N4BP2L2: variants seen among roughly 807,000 people sequenced by gnomAD.
N4BP2L2 encodes the protein NEDD4 binding protein 2 like 2.
A neutral mutation model predicts 56.2 loss-of-function variants in N4BP2L2; 50 were observed. That is an observed-to-expected ratio of 0.89 (90% CI 0.71 to 1.13). The LOEUF is 1.13. Ranked by LOEUF, N4BP2L2 falls within the 50% of genes most tolerant of loss-of-function variation. The pLI is 0.00. For missense variants in N4BP2L2, 689 were observed against 693.8 expected, an observed-to-expected ratio of 0.99 and a Z score of 0.08; for synonymous variants, 203 against 223.6, an observed-to-expected ratio of 0.91 and a Z score of 0.82.
chr13:32,465,009 G>A (rs925074983), intron 6 of N4BP2L2, among the ~76,000 whole-genome samples: 3 of 151,398 alleles, frequency 2.0e-5, no homozygotes, highest in East Asian at 1.9e-4. Context: ...TTTTTTCACC[G>A]AGGATGGAGT....
At chr13:32,447,801 C>T (rs1032662590) in intron 6 of N4BP2L2, among the ~76,000 whole-genome samples, 18 of 151,436 alleles carry the variant, frequency 1.2e-4, no homozygotes, top group African/African-American at 4.4e-4. Context: ...GTCTTTTTTT[C>T]GTTGTTTTTT....
chr13:32,536,838 C>T (rs762407043), exon 2 of N4BP2L2: 2 of 1,613,968 alleles, frequency 1.2e-6, no homozygotes, highest in Admixed American at 1.7e-5. Flanking sequence ...TAACTATGTC[C>T]TCTGACATCA....
intron 6 of N4BP2L2, among the ~76,000 whole-genome samples, chr13:32,460,456 T>C (rs2079836289): frequency 6.6e-6 from 1 of 152,150 alleles, no homozygotes. Flanking sequence ...TTCAGTAAAG[T>C]TGCAAGACAT....
chr13:32,462,335 A>G (rs1955937376), intron 6 of N4BP2L2, among the ~76,000 whole-genome samples: 1 of 152,188 alleles, frequency 6.6e-6, no homozygotes, highest in Non-Finnish European at 1.5e-5. Context: ...TGAAATAATC[A>G]GGCACAGAAA....
At chr13:32,459,955 A>G (rs1363896906) in intron 6 of N4BP2L2, among the ~76,000 whole-genome samples, 1 of 152,220 alleles carries the variant, frequency 6.6e-6, no homozygotes. Flanking sequence ...AGGATAATAC[A>G]CTATAAGCAA....
At chr13:32,499,056 C>T (rs1448731149) in intron 6 of N4BP2L2, among the ~76,000 whole-genome samples, 1 of 151,396 alleles carries the variant, frequency 6.6e-6, no homozygotes, top group Non-Finnish European at 1.5e-5. Context: ...AAATACATTA[C>T]CGTTTCTTGC....
chr13:32,452,249 C>T (rs896879508), intron 6 of N4BP2L2, among the ~76,000 whole-genome samples: 5 of 152,102 alleles, frequency 3.3e-5, no homozygotes, highest in South Asian at 4.2e-4. Flanking sequence ...TCAGTAGAGA[C>T]GGGGTTTCTC....
intron 6 of N4BP2L2, chr13:32,477,651 G>C (rs2083637620): frequency 3.0e-6 from 1 of 331,202 alleles, no homozygotes; most frequent in African/African-American, 2.2e-5. Flanking sequence ...GGCTTTGCCA[G>C]AAACAGGTTG....
intron 6 of N4BP2L2, among the ~76,000 whole-genome samples, chr13:32,453,571 C>A (rs535796904): frequency 6.6e-6 from 1 of 152,296 alleles, no homozygotes; most frequent in African/African-American, 2.4e-5. Flanking sequence ...GCTATGGCCT[C>A]AAACTCCTGG....
chr13:32,520,837 C>A (rs1371725622), intron 5 of N4BP2L2, among the ~76,000 whole-genome samples: 1 of 152,196 alleles, frequency 6.6e-6, no homozygotes, highest in Non-Finnish European at 1.5e-5. Context: ...CTCCCTGACT[C>A]ATTTGGCAGC....
intron 8 of N4BP2L2, chr13:32,436,466 C>T (rs1056495563): frequency 2.6e-6 from 2 of 781,830 alleles, no homozygotes; most frequent in Non-Finnish European, 4.0e-6. Context: ...TAAGTTTGCA[C>T]TGTCATTTTA....
At chr13:32,465,568 C>T (rs1381064392) in intron 6 of N4BP2L2, among the ~76,000 whole-genome samples, 2 of 152,074 alleles carry the variant, frequency 1.3e-5, no homozygotes, top group African/African-American at 4.8e-5. Flanking sequence ...CAATATTTTC[C>T]CATAATATAC....
chr13:32,462,586 T>C (rs1268296950), intron 6 of N4BP2L2, among the ~76,000 whole-genome samples: 1 of 152,052 alleles, frequency 6.6e-6, no homozygotes, highest in Non-Finnish European at 1.5e-5. Context: ...ACAACGTATT[T>C]ATATTTCCGA....
intron 2 of N4BP2L2, among the ~76,000 whole-genome samples, chr13:32,529,116 T>A (rs1467867565): frequency 1.3e-5 from 2 of 152,234 alleles, no homozygotes; most frequent in African/African-American, 4.8e-5. Flanking sequence ...AGATGCAATA[T>A]TTTTTCTCAA....
intron 6 of N4BP2L2, among the ~76,000 whole-genome samples, chr13:32,491,619 TTATA>T (rs71672003): frequency 1.4e-4 from 19 of 138,396 alleles, no homozygotes; most frequent in Middle Eastern, 3.8e-3. Flanking sequence ...TATATGTATA[TTATA>T]TATATATATA....
At chr13:32,484,471 G>C (rs922860972) in intron 6 of N4BP2L2, among the ~76,000 whole-genome samples, 1 of 151,928 alleles carries the variant, frequency 6.6e-6, no homozygotes, top group African/African-American at 2.4e-5. Flanking sequence ...CTTAAAAATG[G>C]ATCTAGGGTA....
chr13:32,480,494 C>A, intron 6 of N4BP2L2: 1 of 628,496 alleles, frequency 1.6e-6, no homozygotes. Context: ...TATTTAAAGT[C>A]TCTTCAACAA....
chr13:32,452,729 A>C (rs2078302004), intron 6 of N4BP2L2, among the ~76,000 whole-genome samples: 1 of 152,236 alleles, frequency 6.6e-6, no homozygotes, highest in African/African-American at 2.4e-5. Context: ...TTAGTAAACC[A>C]GGAATAGATG....
chr13:32,434,499 C>T (rs1816396893), intron 9 of N4BP2L2, among the ~76,000 whole-genome samples: 1 of 152,126 alleles, frequency 6.6e-6, no homozygotes. Flanking sequence ...GAAGGGTCCT[C>T]TGTTTAGGGT....
Sources: gnomAD v4.1 joint callset for allele counts (sites outside exome capture counted in the v4.1 genomes callset) on GRCh38, gnomAD v4.1.1 for gene constraint, MANE v1.5 for transcripts, NCBI Gene and HGNC (gene_info 2026-07-23, HGNC 2026-07-21) for gene names.